ZNF791: variants seen among roughly 807,000 people sequenced by gnomAD.
The protein encoded by ZNF791 is zinc finger protein 791.
A neutral mutation model predicts 11.5 loss-of-function variants in ZNF791; 4 were observed. The observed-to-expected ratio is 0.35, with a 90% CI of 0.17 to 0.80. ZNF791 has a LOEUF of 0.80. Among genes scored for constraint, ZNF791 ranks in the 30% least tolerant of loss-of-function variants. The probability of loss-of-function intolerance (pLI) is 0.53; values close to 1 mark genes in which losing one functional copy is unlikely to be tolerated. For synonymous variants in ZNF791, 212 were observed against 228.1 expected (o/e 0.93, Z 0.64); for missense variants, 559 against 699.4 (o/e 0.80, Z 2.26).
chr19:12,614,593 C>CTT (rs369598648), intron 1 of ZNF791, among the ~76,000 whole-genome samples: 16 of 126,150 alleles, frequency 1.3e-4, no homozygotes, highest in East Asian at 2.3e-4. Flanking sequence ...ATATGTTTAA[C>CTT]TTTTTTTTTT....
rs770919955 is a variant in ZNF791, at chr19:12,623,875, G to A, written c.130+49G>A. The A allele has an allele frequency of 1.1e-4, 107 of 992,490 alleles. 10 individuals carry two copies. The Admixed American group carries it at 2.7e-3, about 25-fold the overall frequency. 61.5% of individuals were successfully genotyped at this position (992,490 alleles called of 1,614,324 possible). On this transcript the variant is annotated intron_variant, in intron 2 of 3. Transcript: ENST00000343325. ...TTTTTCTTTTTTTTTTTTTTTGGGG[G>A]GGGACAGAGTTTCACTATTGTCCAG...
Position 12,633,589 on chromosome 19 carries a change from A to T in ZNF791, c.*4329A>T, listed in dbSNP as rs1042632206. On this transcript the variant is annotated 3_prime_UTR_variant, in exon 4 of 4. Transcript: ENST00000343325. ...CTCAAAGAGATGTGTTGGTTTCCACAGTTGTCTCCACAAGCTCCGCATCAA... is the reference window on the plus strand; with the variant it reads ...CTCAAAGAGATGTGTTGGTTTCCACTGTTGTCTCCACAAGCTCCGCATCAA... 1 of 152,170 alleles carries T rather than the reference A, an allele frequency of 6.6e-6. No individual in the cohort carries two copies. The highest frequency in any genetic ancestry group is 2.4e-5 in the African/African-American group (1 of 41,432). The allele number at this position is 152,170 out of a possible 1,614,324, so 9.4% of individuals were successfully genotyped here.
rs1039722923 is a variant in ZNF791, at chr19:12,623,805, T to G, written c.109T>G (p.Phe37Val). Reference protein sequence around the residue: ...KLYRDVMQETFKNLASIGEKW... With the variant: ...KLYRDVMQETVKNLASIGEKW... ...CTACAGAGATGTGATGCAGGAAACA[T>G]TCAAGAACCTGGCATCTATAGGTAA... Residue 37 changes from phenylalanine (F) to valine (V), a missense_variant, in exon 2 of 4, where the codon TTC (phenylalanine) becomes GTC (valine). Coordinates refer to ENST00000343325, the MANE Select transcript of ZNF791 (RefSeq NM_153358.3). 1.4e-5 allele frequency: 22 copies of G among 1,559,390 alleles called. No individual in the cohort carries two copies. Among genetic ancestry groups the G allele is most frequent in the Non-Finnish European group, 1.9e-5 (22 of 1,146,012 alleles).
At chr19:12,613,465 C>T (rs1599319125) in intron 1 of ZNF791, among the ~76,000 whole-genome samples, 1 of 152,154 alleles carries the variant, frequency 6.6e-6, no homozygotes, top group African/African-American at 2.4e-5. Flanking sequence ...CCTGTAGTCC[C>T]AGCTACTCTG....
chr19:12,629,862 CAAAAAAAAAA>C lies in ZNF791; in HGVS notation c.*614_*623del, dbSNP rs917137699. On this transcript the variant is annotated 3_prime_UTR_variant, in exon 4 of 4. Transcript: ENST00000343325. ...CGGCCAACAGAGCGAGACTCTGTCT[CAAAAAAAAAA>C]AAAAAAAAAAAGTACAACACAGCTG... The C allele has an allele frequency of 1.8e-5, 1 of 56,846 alleles. No individual in the cohort carries two copies. Among genetic ancestry groups the C allele is most frequent in the Non-Finnish European group, 3.5e-5 (1 of 28,334 alleles). The allele number at this position is 56,846 out of a possible 1,614,324, so 3.5% of individuals were successfully genotyped here.
At chr19:12,617,409 T>C (rs992059052) in intron 1 of ZNF791, among the ~76,000 whole-genome samples, 1 of 152,076 alleles carries the variant, frequency 6.6e-6, no homozygotes, top group African/African-American at 2.4e-5. Context: ...CAGGCATGAG[T>C]CACTGCGCCC....
intron 1 of ZNF791, among the ~76,000 whole-genome samples, chr19:12,622,754 C>T (rs1193606094): frequency 3.9e-5 from 6 of 152,042 alleles, no homozygotes; most frequent in Non-Finnish European, 8.8e-5. Context: ...ATTAGCTGGG[C>T]GTGGTGGCAC....
rs550976059 is a variant in ZNF791 at position 12,617,021 on chromosome 19, A to G, written c.3+5939A>G. ...TGTATAAATTTTTTGTGGGTGTATG[A>G]GAGTTTAATAGTATAAATTTCACTT... On this transcript the variant is annotated intron_variant, in intron 1 of 3. Coordinates refer to ENST00000343325, the MANE Select transcript of ZNF791 (RefSeq NM_153358.3). 2.7e-3 allele frequency among the ~76,000 whole-genome samples: 369 copies of G among 134,314 alleles called. 2 individuals carry two copies. The highest frequency in any genetic ancestry group is 8.6e-3 in the African/African-American group (327 of 38,122). The allele number at this position is 134,314 out of a possible 152,430, so 88.1% of individuals were successfully genotyped here.
At chr19:12,621,885 A>G (rs2023355105) in intron 1 of ZNF791, among the ~76,000 whole-genome samples, 1 of 125,078 alleles carries the variant, frequency 8.0e-6, no homozygotes, top group African/African-American at 3.1e-5. Context: ...ACGGGCCAGG[A>G]TGACAATGGC....
rs1238181520 is a variant in ZNF791, at chr19:12,628,980, G to A, written c.1451G>A (p.Arg484Gln). The change falls in exon 4 of 4, where the codon CGG (arginine) becomes CAG (glutamine). Residue 484 changes from arginine (R) to glutamine (Q), a missense_variant. Physicochemically the swap from Arg to Gln is conservative, Grantham distance 43. Transcript: ENST00000343325. ...GCCTTTAGTTGTTCTAGTTACATTC[G>A]GATACATAAAAGAACTCACACTGGG... Reference protein sequence around the residue: ...GKAFSCSSYIRIHKRTHTGEK... With the variant: ...GKAFSCSSYIQIHKRTHTGEK... 6 of 1,613,692 alleles carry A rather than the reference G, an allele frequency of 3.7e-6. No individual in the cohort carries two copies. The highest frequency in any genetic ancestry group is 1.3e-5 in the African/African-American group (1 of 74,836).
intron 1 of ZNF791, among the ~76,000 whole-genome samples, chr19:12,622,393 A>AT (rs1215102154): frequency 7.9e-6 from 1 of 127,054 alleles, no homozygotes; most frequent in South Asian, 2.3e-4. Flanking sequence ...AAAATAATAA[A>AT]AAAAAGACTG....
chr19:12,626,901 G>A (rs553014586), intron 3 of ZNF791, among the ~76,000 whole-genome samples: 15 of 152,210 alleles, frequency 9.9e-5, no homozygotes, highest in African/African-American at 3.1e-4. Flanking sequence ...CACTGTGCCC[G>A]CCCAGAAACA....
Position 12,628,319 on chromosome 19 carries a change from A to G in ZNF791, c.790A>G (p.Ile264Val). ...ISHTSVLTHM[I>V]THNGDRPYKC... ...CCACACAAGTGTTCTAACACACATG[A>G]TAACACACAACGGAGATAGACCTTA... is the stretch of plus-strand genomic sequence containing the variant. The change falls in exon 4 of 4, where the codon ATA becomes GTA. Residue 264 changes from isoleucine to valine, a missense_variant. Physicochemically the swap from Ile to Val is conservative, Grantham distance 29. Coordinates refer to ENST00000343325, the MANE Select transcript of ZNF791 (RefSeq NM_153358.3). The G allele has an allele frequency of 6.2e-7, 1 of 1,613,724 alleles. No homozygotes were observed. The highest frequency in any genetic ancestry group is 8.5e-7 in the Non-Finnish European group (1 of 1,179,796).
chr19:12,627,613 C>T, intron 3 of ZNF791, 108 bp from the exon 4 acceptor site: 2 of 1,031,500 alleles, frequency 1.9e-6, no homozygotes, highest in South Asian at 1.7e-5. Context: ...GGAACAAGAA[C>T]AAGACTCCGT....
intron 2 of ZNF791, 33 bp from the exon 3 acceptor site, chr19:12,624,617 A>T (rs760591596): frequency 6.7e-7 from 1 of 1,495,008 alleles, no homozygotes; most frequent in Non-Finnish European, 9.1e-7. Context: ...ATTTTTAATA[A>T]TTTATCATGA....
chr19:12,614,544 C>A (rs1229126643), intron 1 of ZNF791, among the ~76,000 whole-genome samples: 2 of 150,408 alleles, frequency 1.3e-5, no homozygotes, highest in Non-Finnish European at 3.0e-5. Flanking sequence ...GCCGGGGTTA[C>A]GTTTTTCAAG....
chr19:12,619,867 T>C (rs988188037), intron 1 of ZNF791, among the ~76,000 whole-genome samples: 1 of 151,632 alleles, frequency 6.6e-6, no homozygotes, highest in Non-Finnish European at 1.5e-5. Context: ...TTTTTTTCTT[T>C]TTATTATTTA....
intron 1 of ZNF791, 142 bp from the exon 2 acceptor site, chr19:12,623,558 A>G: frequency 9.6e-7 from 1 of 1,037,504 alleles, no homozygotes; most frequent in Admixed American, 2.1e-5. Flanking sequence ...TTATGTGTTC[A>G]ATGTGCTGTT....
chr19:12,626,749 C>T lies in ZNF791; in HGVS notation c.192-972C>T, dbSNP rs531308768. ...CCTCCCGAGTAGCTGGGACTACAGG[C>T]GCCCACCACCACGCCCGGCTAATTT... On this transcript the variant is annotated intron_variant, in intron 3 of 3. Transcript: ENST00000343325. Among the ~76,000 whole-genome samples, 61 of 151,798 alleles carry T rather than the reference C, an allele frequency of 4.0e-4. 1 individual carries two copies. In the South Asian group the frequency reaches 0.01, roughly 26 times the overall value.
Sources: allele counts gnomAD v4.1 joint callset (sites outside exome capture counted in the v4.1 genomes callset), GRCh38; gene constraint gnomAD v4.1.1; transcripts MANE v1.5; gene names NCBI Gene and HGNC (gene_info 2026-07-23, HGNC 2026-07-21).